LRPPRC: variants seen among roughly 807,000 people sequenced by gnomAD.
LRPPRC encodes the protein leucine rich pentatricopeptide repeat containing, also known as leucine-rich PPR motif-containing protein, mitochondrial.
LRPPRC carries 120 observed loss-of-function variants against 180.3 expected under a neutral mutation model. The observed-to-expected ratio is 0.67, with a 90% CI of 0.57 to 0.77. LRPPRC has a LOEUF of 0.77. Among genes scored for constraint, LRPPRC ranks in the 30% least tolerant of loss-of-function variants. The pLI is 0.00. For synonymous variants in LRPPRC, 723 were observed against 600.0 expected, an observed-to-expected ratio of 1.21 and a Z score of -3.00; for missense variants, 2,012 against 1,657.2, an observed-to-expected ratio of 1.21 and a Z score of -3.72.
chr2:43,930,952 A>G (rs935380005), intron 25 of LRPPRC, among the ~76,000 whole-genome samples: 1 of 152,182 alleles, frequency 6.6e-6, no homozygotes, highest in African/African-American at 2.4e-5. Context: ...CCTCCCAGGA[A>G]GACAGTGTTG....
rs1204140288 is a variant in LRPPRC, at chr2:43,948,155, G to A, written c.1887C>T (p.Leu629=). ...PENIYRGIRN[L]LESYHVPELI... is the part of the protein sequence containing the mutation. ...ATTCAGGAACATGGTAGCTTTCCAG[G>A]AGATTACGAATGCCTCTGTAGATAT... The change falls in exon 18 of 38, where the codon CTC becomes CTT. Residue 629 remains leucine, a synonymous_variant. Coordinates refer to ENST00000260665, the MANE Select transcript of LRPPRC (RefSeq NM_133259.4). 2 of 1,607,652 alleles carry A rather than the reference G, an allele frequency of 1.2e-6. No homozygotes were observed. Among genetic ancestry groups the A allele is most frequent in the African/African-American group, 2.7e-5 (2 of 74,854 alleles).
intron 2 of LRPPRC, among the ~76,000 whole-genome samples, chr2:43,980,258 T>C (rs1178754443): frequency 6.6e-6 from 1 of 152,114 alleles, no homozygotes; most frequent in African/African-American, 2.4e-5. Context: ...AGGCTAAACT[T>C]CCCAGTATCT....
In LRPPRC at chr2:43,950,899, G is replaced by T. The variant is rs140650696; in HGVS notation, c.1650-299C>A. Among the ~76,000 whole-genome samples the T allele has an allele frequency of 0.019, 2,954 of 152,224 alleles. 96 individuals are homozygous for T. The highest frequency in any genetic ancestry group is 0.067 in the African/African-American group (2,801 of 41,540). On this transcript the variant is annotated intron_variant, in intron 14 of 37. Transcript: ENST00000260665. ...AGCCTGGCCAACATGGTGAAATCCC[G>T]TCTCCACTAGAAGTAGAAAAATTAG...
chr2:43,929,015 TACA>T (rs1394604463), intron 25 of LRPPRC, among the ~76,000 whole-genome samples: 2 of 152,170 alleles, frequency 1.3e-5, no homozygotes, highest in South Asian at 2.1e-4. Context: ...TAAAGTAAGC[TACA>T]ACAAGAAAAT....
chr2:43,933,630 A>G (rs1353648159), intron 25 of LRPPRC, among the ~76,000 whole-genome samples: 1 of 152,218 alleles, frequency 6.6e-6, no homozygotes, highest in Admixed American at 6.5e-5. Context: ...AGTAAAGCCT[A>G]GATAAAATAT....
chr2:43,902,634 C>T (rs1050685380), intron 31 of LRPPRC: 4 of 151,908 alleles, frequency 2.6e-5, no homozygotes, highest in East Asian at 3.8e-4. Context: ...AAAAGAAAAA[C>T]AGGTTAAAAA....
At chr2:43,891,392 C>A (rs1437557613) in intron 36 of LRPPRC, among the ~76,000 whole-genome samples, 1 of 152,192 alleles carries the variant, frequency 6.6e-6, no homozygotes, top group African/African-American at 2.4e-5. Context: ...TTATGGTAAC[C>A]CTGCCTTGGG....
At chr2:43,949,683 A>G (rs762772545) in intron 15 of LRPPRC, 24 bp from the exon 16 acceptor site, 3 of 1,547,424 alleles carry the variant, frequency 1.9e-6, no homozygotes, top group Non-Finnish European at 2.7e-6. Context: ...AAATTCGTGC[A>G]TTGCAGCAAG....
chr2:43,986,026 T>C (rs888643689), intron 1 of LRPPRC, among the ~76,000 whole-genome samples: 2 of 152,140 alleles, frequency 1.3e-5, no homozygotes, highest in African/African-American at 4.8e-5. Context: ...GGTATCTCAT[T>C]GTTGTTTTAA....
intron 1 of LRPPRC, among the ~76,000 whole-genome samples, chr2:43,985,207 T>A (rs767951902): frequency 4.6e-5 from 7 of 152,070 alleles, no homozygotes; most frequent in Non-Finnish European, 8.8e-5. Flanking sequence ...AACCCACAAT[T>A]TTTTAGTGTT....
intron 12 of LRPPRC, among the ~76,000 whole-genome samples, chr2:43,960,848 C>T (rs1353684160): frequency 6.6e-6 from 1 of 152,120 alleles, no homozygotes; most frequent in African/African-American, 2.4e-5. Flanking sequence ...GGTCTGATGC[C>T]TTTAGAGGGC....
intron 13 of LRPPRC, among the ~76,000 whole-genome samples, chr2:43,960,032 T>C (rs187945990): frequency 7.7e-4 from 117 of 152,384 alleles, no homozygotes; most frequent in Admixed American, 2.2e-3. Context: ...ATGGAGATAA[T>C]TGTATTAACA....
rs886121511 is a variant in LRPPRC at position 43,888,726 on chromosome 2, C to G, written c.4129-70G>C. On this transcript the variant is annotated intron_variant, in intron 37 of 37. Transcript: ENST00000260665. ...GGTGATGGTACATAACTTAAAAAAT[C>G]ATAAAACACTACCAACTGGTAGCTA... 5 of 846,840 alleles carry G rather than the reference C, an allele frequency of 5.9e-6. No homozygotes were observed. The Admixed American group carries it at 9.1e-5, about 15-fold the overall frequency. 52.5% of individuals were successfully genotyped at this position (846,840 alleles called of 1,614,324 possible).
At chr2:43,983,254 G>A (rs996362525) in intron 1 of LRPPRC, among the ~76,000 whole-genome samples, 4 of 151,872 alleles carry the variant, frequency 2.6e-5, no homozygotes, top group Non-Finnish European at 4.4e-5. Flanking sequence ...TATGCAAGTC[G>A]AATGCTCTCT....
intron 11 of LRPPRC, among the ~76,000 whole-genome samples, chr2:43,965,361 G>A (rs1056572987): frequency 6.6e-6 from 1 of 152,018 alleles, no homozygotes; most frequent in African/African-American, 2.4e-5. Flanking sequence ...GCCCAGCCTG[G>A]ACCCTTATCT....
Position 43,974,647 on chromosome 2 carries a change from C to G in LRPPRC, c.976G>C (p.Glu326Gln), listed in dbSNP as rs1222720225. The change falls in exon 8 of 38, where the codon GAA (glutamate) becomes CAA (glutamine). Residue 326 changes from glutamate (E) to glutamine (Q), a missense_variant. Transcript: ENST00000260665. The stretch of plus-strand genomic sequence containing the variant: ...TATCTTCTTTCACATGTAACTTTTT[C>G]CAAAATTTCTGAGACATACTGAGGA... ...GYPQYVSEIL[E>Q]KVTCERRYIP... 6.2e-7 allele frequency: 1 copy of G among 1,607,604 alleles called. No individual in the cohort carries two copies. Among genetic ancestry groups the G allele is most frequent in the Non-Finnish European group, 8.5e-7 (1 of 1,174,636 alleles).
intron 24 of LRPPRC, 152 bp downstream of exon 24, chr2:43,934,602 T>A: frequency 3.1e-6 from 2 of 645,314 alleles, no homozygotes; most frequent in Non-Finnish European, 5.4e-6. Context: ...ATATTGGAAA[T>A]CTACCTGATA....
intron 34 of LRPPRC, among the ~76,000 whole-genome samples, chr2:43,898,180 G>C (rs764216483): frequency 1.8e-4 from 27 of 151,602 alleles, no homozygotes; most frequent in Non-Finnish European, 4.4e-5. Flanking sequence ...AAGAGTCTGA[G>C]AAGCAGTGCT....
In LRPPRC at chr2:43,918,150, T is replaced by A; in HGVS notation, c.3040-17A>T. On this transcript the variant is annotated splice_polypyrimidine_tract_variant and intron_variant, in intron 28 of 37. Coordinates refer to ENST00000260665, the MANE Select transcript of LRPPRC (RefSeq NM_133259.4). ...ATACCACAACTTTAAAACAAAGTTATTCTGTTAAATAAAAACTGGTAATCT... is the reference window on the plus strand; with the variant it reads ...ATACCACAACTTTAAAACAAAGTTAATCTGTTAAATAAAAACTGGTAATCT... 2 of 1,607,330 alleles carry A rather than the reference T, an allele frequency of 1.2e-6. No homozygotes were observed. The highest frequency in any genetic ancestry group is 1.7e-6 in the Non-Finnish European group (2 of 1,173,886).
Sources: gnomAD v4.1 joint callset for allele counts (sites outside exome capture counted in the v4.1 genomes callset) on GRCh38, gnomAD v4.1.1 for gene constraint, MANE v1.5 for transcripts, NCBI Gene and HGNC (gene_info 2026-07-23, HGNC 2026-07-21) for gene names.